Variants in PIP4K2B observed in about 807,000 individuals in gnomAD.
PIP4K2B encodes the protein phosphatidylinositol-5-phosphate 4-kinase type 2 beta.
A neutral mutation model predicts 42.0 loss-of-function variants in PIP4K2B; 3 were observed. The observed-to-expected ratio is 0.07, with a 90% CI of 0.03 to 0.18. The LOEUF (loss-of-function observed/expected upper bound fraction) is 0.18, where lower values mean the gene tolerates loss of function less well. Among genes scored for constraint, PIP4K2B ranks in the 10% least tolerant of loss-of-function variants. The pLI, the probability that PIP4K2B is intolerant of heterozygous loss-of-function variation, is 1.00. For missense variants in PIP4K2B, 332 were observed against 562.3 expected (o/e 0.59, Z 4.14); for synonymous variants, 204 against 210.1 (o/e 0.97, Z 0.25).
chr17:38,781,991 C>CT (rs1379165486), intron 3 of PIP4K2B, among the ~76,000 whole-genome samples: 1 of 152,296 alleles, frequency 6.6e-6, no homozygotes, highest in African/African-American at 2.4e-5. Context: ...CAGGATCCTA[C>CT]TCTTTACTTT....
At chr17:38,790,357 C>T (rs1168004229) in intron 1 of PIP4K2B, among the ~76,000 whole-genome samples, 1 of 152,194 alleles carries the variant, frequency 6.6e-6, no homozygotes, top group Non-Finnish European at 1.5e-5. Context: ...CATATCAAGC[C>T]TGGCTCCGAG....
At chr17:38,794,609 TAA>T (rs34374571) in intron 1 of PIP4K2B, among the ~76,000 whole-genome samples, 2,789 of 34,406 alleles carry the variant, frequency 0.081, 65 homozygotes, top group African/African-American at 0.15. Flanking sequence ...CCCAATTCAT[TAA>T]AAAAAAAAAA....
In PIP4K2B at chr17:38,779,372, G is replaced by A. The variant is rs1567656319; in HGVS notation, c.654+11C>T. 1 of 1,582,578 alleles carries A rather than the reference G, an allele frequency of 6.3e-7. No individual in the cohort carries two copies. The highest frequency in any genetic ancestry group is 8.6e-7 in the Non-Finnish European group (1 of 1,159,074). On this transcript the variant is annotated intron_variant, in intron 5 of 9. Coordinates refer to ENST00000619039, the MANE Select transcript of PIP4K2B (RefSeq NM_003559.5). ...GGGAGGCACAGCTCCGGCAAACACA[G>A]AGCCCTTTACCTTGAGGTCATACTT...
intron 4 of PIP4K2B, among the ~76,000 whole-genome samples, 200 bp downstream of exon 4, chr17:38,780,252 C>G (rs1359375656): frequency 6.6e-6 from 1 of 152,154 alleles, no homozygotes; most frequent in African/African-American, 2.4e-5. Context: ...CAGCGATGAG[C>G]CTTCATGGCT....
chr17:38,792,298 C>A (rs1440586827), intron 1 of PIP4K2B, among the ~76,000 whole-genome samples: 2 of 152,024 alleles, frequency 1.3e-5, no homozygotes, highest in Non-Finnish European at 2.9e-5. Context: ...ACAGGTGTGC[C>A]ATCATGCCCA....
At chr17:38,788,182 ATTTATTT>A (rs1910143248) in intron 1 of PIP4K2B, among the ~76,000 whole-genome samples, 1 of 35,090 alleles carries the variant, frequency 2.8e-5, no homozygotes, top group Non-Finnish European at 7.4e-5. Context: ...GATTAAATTT[ATTTATTT>A]ATTTATTTAT....
chr17:38,790,991 T>C (rs1910312710), intron 1 of PIP4K2B, among the ~76,000 whole-genome samples: 1 of 152,012 alleles, frequency 6.6e-6, no homozygotes, highest in Non-Finnish European at 1.5e-5. Context: ...GTTAGGTAGG[T>C]GTGTGGGAGG....
Position 38,768,415 on chromosome 17 carries a change from C to T in PIP4K2B, c.*1276G>A, listed in dbSNP as rs763162790. The T allele has an allele frequency of 6.5e-6, 1 of 153,040 alleles. No individual in the cohort carries two copies. Among genetic ancestry groups the T allele is most frequent in the African/African-American group, 2.4e-5 (1 of 41,570 alleles). The allele number at this position is 153,040 out of a possible 1,614,324, so 9.5% of individuals were successfully genotyped here. A position where few individuals can be genotyped will look rare whatever the true frequency, so the allele number is the denominator to read the frequency against. Reference sequence around the variant, plus strand: ...GAGCGGGGCAACAAGGAAAAACAGCCCCAAGGCTGAGGCCAGGTCAAAACC... The same window carrying T: ...GAGCGGGGCAACAAGGAAAAACAGCTCCAAGGCTGAGGCCAGGTCAAAACC... On this transcript the variant is annotated 3_prime_UTR_variant, in exon 10 of 10. Transcript: ENST00000619039.
intron 1 of PIP4K2B, among the ~76,000 whole-genome samples, chr17:38,791,406 A>ATTTTTTTTTTTTTTTTTTTTTTTTTT (rs58027566): frequency 1.1e-5 from 1 of 91,156 alleles, no homozygotes; most frequent in Non-Finnish European, 2.0e-5. Context: ...CAGACTGCCA[A>ATTTTTTTTTTTTTTTTTTTTTTTTTT]TTTTTTTTTT....
chr17:38,779,596 C>G, intron 4 of PIP4K2B, 67 bp from the exon 5 acceptor site: 3 of 1,473,032 alleles, frequency 2.0e-6, no homozygotes, highest in Non-Finnish European at 2.8e-6. Context: ...TGGGGCTCAC[C>G]CCAGACTAAA....
intron 1 of PIP4K2B, among the ~76,000 whole-genome samples, chr17:38,790,461 CG>C (rs1253296789): frequency 1.3e-4 from 20 of 152,100 alleles, no homozygotes; most frequent in Admixed American, 3.3e-4. Flanking sequence ...CCTAAGGGGA[CG>C]GATCACGAGG....
At position 38,799,218 on chromosome 17, in the gene PIP4K2B, T is replaced by C. The variant is rs1179071997; in HGVS notation, c.159+48A>G. On this transcript the variant is annotated intron_variant, in intron 1 of 9. Coordinates refer to ENST00000619039, the MANE Select transcript of PIP4K2B (RefSeq NM_003559.5). This position sits in a 1 kb window ranked among gnomAD's most constrained non-coding sequence, Gnocchi z 4.4. Reference sequence around the variant, plus strand: ...CAAGGGCCCAGGGCTGCAGGGGGCGTGGGAGCGCGCGGGGCCGCGCTCAGA... The same window carrying C: ...CAAGGGCCCAGGGCTGCAGGGGGCGCGGGAGCGCGCGGGGCCGCGCTCAGA... The C allele has an allele frequency of 6.5e-7, 1 of 1,532,570 alleles. No homozygotes were observed. 94.9% of individuals were successfully genotyped at this position (1,532,570 alleles called of 1,614,324 possible).
chr17:38,775,949 G>C (rs1909315516), intron 7 of PIP4K2B: 1 of 441,164 alleles, frequency 2.3e-6, no homozygotes, highest in Admixed American at 2.6e-5. Context: ...CAAAATAACA[G>C]AGTCACAAAA....
chr17:38,791,399 ACTGCCAATTTTT>A (rs1369185514), intron 1 of PIP4K2B, among the ~76,000 whole-genome samples: 1 of 129,074 alleles, frequency 7.7e-6, no homozygotes, highest in Non-Finnish European at 1.7e-5. Flanking sequence ...TCTGGCTCAG[ACTGCCAATTTTT>A]TTTTTTTTTT....
At chr17:38,788,819 G>A (rs1446216423) in intron 1 of PIP4K2B, among the ~76,000 whole-genome samples, 2 of 152,250 alleles carry the variant, frequency 1.3e-5, no homozygotes, top group Non-Finnish European at 2.9e-5. Context: ...TGGGTGTGGT[G>A]GAAGCCACCT....
chr17:38,786,890 C>T lies in PIP4K2B; in HGVS notation c.190G>A (p.Val64Ile). The change falls in exon 2 of 10, where the codon GTC becomes ATC. Residue 64 changes from valine to isoleucine, a missense_variant. Val to Ile is a conservative substitution (Grantham distance 29). Around this residue, in one of 6 missense-constraint regions of PIP4K2B, gnomAD observed 186 missense variants for 288.4 expected, o/e 0.64. Transcript: ENST00000619039. ...TTGAAGTCATCTGGCATTAGCATGA[C>T]AGGAACAGGAACATTGCTCAGCTCA... ...INELSNVPVP[V>I]MLMPDDFKAY... 8 of 1,613,310 alleles carry T rather than the reference C, an allele frequency of 5.0e-6. No individual in the cohort carries two copies. Among genetic ancestry groups the T allele is most frequent in the South Asian group, 1.1e-5 (1 of 91,058 alleles).
Position 38,777,780 on chromosome 17 carries a change from G to C in PIP4K2B, c.714C>G (p.Phe238Leu). The C allele has an allele frequency of 1.2e-6, 2 of 1,613,956 alleles. No individual in the cohort carries two copies. The highest frequency in any genetic ancestry group is 1.7e-6 in the Non-Finnish European group (2 of 1,179,806). ...CTTCATTGAGGAAGTCATTGTCTTTGAATGTTGGCAAGTCCTTGGCCTAGG... is the reference window on the plus strand; with the variant it reads ...CTTCATTGAGGAAGTCATTGTCTTTCAATGTTGGCAAGTCCTTGGCCTAGG... ...DKEKAKDLPTFKDNDFLNEGQ... is the reference protein window; with the variant it reads ...DKEKAKDLPTLKDNDFLNEGQ... Residue 238 changes from phenylalanine (F) to leucine (L), a missense_variant, in exon 7 of 10, where the codon TTC (phenylalanine) becomes TTG (leucine). Transcript: ENST00000619039.
At chr17:38,778,183 A>C in intron 6 of PIP4K2B, 151 bp downstream of exon 6, 1 of 778,874 alleles carries the variant, frequency 1.3e-6, no homozygotes, top group Non-Finnish European at 2.3e-6. Context: ...ACAAGGACAG[A>C]CAGGTGATTC....
At chr17:38,780,215 G>A (rs1290440092) in intron 4 of PIP4K2B, among the ~76,000 whole-genome samples, 4 of 152,220 alleles carry the variant, frequency 2.6e-5, no homozygotes, top group Non-Finnish European at 4.4e-5. Context: ...ATGCCAGTGC[G>A]TGAACACTTT....
Sources: gnomAD v4.1 joint callset for allele counts (sites outside exome capture counted in the v4.1 genomes callset) on GRCh38, gnomAD v4.1.1 for gene constraint, gnomAD v4.1.1 regional missense constraint, Gnocchi (gnomAD v3.1) non-coding constraint, MANE v1.5 for transcripts, NCBI Gene and HGNC (gene_info 2026-07-23, HGNC 2026-07-21) for gene names.